Variants in MYO16 observed in about 807,000 individuals in gnomAD.
MYO16 encodes the protein unconventional myosin-XVI.
A neutral mutation model predicts 205.3 loss-of-function variants in MYO16; 94 were observed. That is an observed-to-expected ratio of 0.46 (90% CI 0.39 to 0.54). The LOEUF (loss-of-function observed/expected upper bound fraction) is 0.54, where lower values mean the gene tolerates loss of function less well. Among genes scored for constraint, MYO16 ranks in the 20% least tolerant of loss-of-function variants. The pLI, the probability that MYO16 is intolerant of heterozygous loss-of-function variation, is 0.00. For missense variants in MYO16, 2,315 were observed against 2,387.5 expected, an observed-to-expected ratio of 0.97 and a Z score of 0.63; for synonymous variants, 988 against 954.0, an observed-to-expected ratio of 1.04 and a Z score of -0.66.
intron 9 of MYO16, among the ~76,000 whole-genome samples, chr13:108,838,977 A>C (rs967638339): frequency 6.6e-6 from 1 of 152,070 alleles, no homozygotes; most frequent in Non-Finnish European, 1.5e-5. Context: ...GTCTTAGTTC[A>C]TTTTTTGTTA....
At chr13:109,064,136 A>G (rs1197055921) in intron 27 of MYO16, among the ~76,000 whole-genome samples, 1 of 152,100 alleles carries the variant, frequency 6.6e-6, no homozygotes, top group Non-Finnish European at 1.5e-5. Flanking sequence ...AGCTAAGAAT[A>G]TTTTTTTACA....
intron 4 of MYO16, among the ~76,000 whole-genome samples, chr13:108,762,170 C>A (rs148184385): frequency 1.3e-5 from 2 of 152,256 alleles, no homozygotes; most frequent in East Asian, 3.9e-4. Flanking sequence ...GCAAAAGACA[C>A]GATTTCATTC....
intron 6 of MYO16, 147 bp downstream of exon 6, chr13:108,793,787 A>C: frequency 2.2e-6 from 2 of 917,214 alleles, no homozygotes; most frequent in Admixed American, 3.0e-5. Flanking sequence ...GAAAACACCT[A>C]AGTAAGCAAA....
intron 4 of MYO16, among the ~76,000 whole-genome samples, chr13:108,735,966 C>A (rs1324950370): frequency 7.0e-6 from 1 of 143,034 alleles, no homozygotes; most frequent in Non-Finnish European, 1.5e-5. Context: ...TGTTCATGTC[C>A]TTTGCCCACT....
chr13:108,940,449 A>G (rs1882678225), intron 16 of MYO16, among the ~76,000 whole-genome samples: 2 of 152,178 alleles, frequency 1.3e-5, no homozygotes, highest in Non-Finnish European at 2.9e-5. Flanking sequence ...CATTCCAATT[A>G]GTAATGGAGT....
intron 1 of MYO16, among the ~76,000 whole-genome samples, chr13:108,623,220 A>T (rs1594151262): frequency 6.6e-6 from 1 of 152,308 alleles, no homozygotes; most frequent in East Asian, 1.9e-4. Context: ...ATTTATGGAG[A>T]ACAATATCGT....
the MYO16 span, among the ~76,000 whole-genome samples, chr13:108,528,779 C>A: frequency 6.9e-5 from 10 of 145,792 alleles, no homozygotes; most frequent in Admixed American, 7.1e-4. Context: ...CTCCTGTCTC[C>A]TCCCTCTTCT....
chr13:108,633,094 T>C (rs1477499470), intron 1 of MYO16, among the ~76,000 whole-genome samples: 1 of 152,106 alleles, frequency 6.6e-6, no homozygotes, highest in Non-Finnish European at 1.5e-5. Context: ...GTTAAAGTTA[T>C]TTAAAATGAA....
intron 23 of MYO16, among the ~76,000 whole-genome samples, chr13:109,037,660 C>CAA (rs1348262330): frequency 1.3e-5 from 2 of 151,550 alleles, no homozygotes; most frequent in East Asian, 3.9e-4. Flanking sequence ...CCAAAGCCAC[C>CAA]GAGAGACACA....
chr13:108,565,891 G>A, the MYO16 span, among the ~76,000 whole-genome samples: 5 of 151,718 alleles, frequency 3.3e-5, no homozygotes, highest in African/African-American at 1.2e-4. Flanking sequence ...TATCATGAAG[G>A]GACGTGGAAC....
intron 29 of MYO16, among the ~76,000 whole-genome samples, chr13:109,121,720 G>T (rs1875999151): frequency 6.6e-6 from 1 of 152,190 alleles, no homozygotes; most frequent in African/African-American, 2.4e-5. Flanking sequence ...ATATCACAGT[G>T]CACAGTGGCC....
At chr13:108,605,506 A>G (rs909219073) in intron 1 of MYO16, among the ~76,000 whole-genome samples, 2 of 152,148 alleles carry the variant, frequency 1.3e-5, no homozygotes, top group African/African-American at 4.8e-5. Context: ...CGGTTCCCCC[A>G]TGCTGTTCTC....
At chr13:109,121,935 CCTT>C (rs373115361) in intron 29 of MYO16, among the ~76,000 whole-genome samples, 245 of 152,296 alleles carry the variant, frequency 1.6e-3, no homozygotes, top group African/African-American at 5.7e-3. Flanking sequence ...GATGACCTGG[CCTT>C]CTTAACTTCA....
rs559920767 is a variant in MYO16, at chr13:109,194,171, C to T, written c.5416-12438C>T. On this transcript the variant is annotated intron_variant, in intron 34 of 34. Coordinates refer to ENST00000457511, the MANE Select transcript of MYO16 (RefSeq NM_001198950.3). ...TTACCCAATTTGAATGAAAGCCCCTCGATGGAGGTGGTCAGATTGTGTGCA... is the reference window on the plus strand; with the variant it reads ...TTACCCAATTTGAATGAAAGCCCCTTGATGGAGGTGGTCAGATTGTGTGCA... Among the ~76,000 whole-genome samples the T allele has an allele frequency of 5.3e-5, 8 of 152,260 alleles. No homozygotes were observed. The East Asian group carries it at 1.2e-3, about 22-fold the overall frequency.
At chr13:109,070,333 C>T (rs539320283) in intron 27 of MYO16, among the ~76,000 whole-genome samples, 242 of 152,258 alleles carry the variant, frequency 1.6e-3, no homozygotes, top group African/African-American at 5.3e-3. Flanking sequence ...GTATGCCCAT[C>T]GCCTGGCACT....
At chr13:108,975,609 C>T (rs185386493) in intron 20 of MYO16, among the ~76,000 whole-genome samples, 3 of 152,212 alleles carry the variant, frequency 2.0e-5, no homozygotes, top group Non-Finnish European at 2.9e-5. Context: ...GGTGTAAACA[C>T]CTCATTTTCC....
At chr13:109,150,477 A>C (rs1256928292) in intron 32 of MYO16, among the ~76,000 whole-genome samples, 2 of 152,196 alleles carry the variant, frequency 1.3e-5, no homozygotes, top group African/African-American at 4.8e-5. Context: ...GATCAATCTG[A>C]TCAAAAAGGT....
intron 1 of MYO16, among the ~76,000 whole-genome samples, chr13:108,636,440 C>T (rs1251203076): frequency 1.5e-5 from 2 of 137,414 alleles, no homozygotes; most frequent in Non-Finnish European, 3.0e-5. Context: ...AATGCAGTGG[C>T]ACAATCTCAG....
At chr13:108,782,005 C>A (rs771844688) in intron 4 of MYO16, among the ~76,000 whole-genome samples, 1 of 152,098 alleles carries the variant, frequency 6.6e-6, no homozygotes, top group African/African-American at 2.4e-5. Context: ...AGTGTAAAAA[C>A]GAACTGATAC....
Sources: gnomAD v4.1 joint callset for allele counts (sites outside exome capture counted in the v4.1 genomes callset) on GRCh38, gnomAD v4.1.1 for gene constraint, MANE v1.5 for transcripts, NCBI Gene and HGNC (gene_info 2026-07-23, HGNC 2026-07-21) for gene names.